ARL17B: variants seen among roughly 807,000 people sequenced by gnomAD.
The protein encoded by ARL17B is ARF like GTPase 17B.
intron 4 of ARL17B, among the ~76,000 whole-genome samples, chr17:46,291,981 A>AC (rs2050083696): frequency 4.0e-5 from 5 of 123,644 alleles, no homozygotes; most frequent in East Asian, 2.3e-4. Flanking sequence ...AAAAAAAAAA[A>AC]AAAAAAGCCA....
At chr17:46,277,787 C>T (rs1417021831) in intron 4 of ARL17B, among the ~76,000 whole-genome samples, 6 of 151,564 alleles carry the variant, frequency 4.0e-5, no homozygotes, top group African/African-American at 1.5e-4. Flanking sequence ...GCTGGGATTA[C>T]AGGTGCCCAC....
intron 4 of ARL17B, among the ~76,000 whole-genome samples, chr17:46,292,130 A>G: frequency 7.3e-6 from 1 of 136,684 alleles, no homozygotes; most frequent in African/African-American, 2.7e-5. Flanking sequence ...TCAGGAGTTC[A>G]AGACCAGCTT....
intron 4 of ARL17B, among the ~76,000 whole-genome samples, chr17:46,284,177 G>A (rs531065657): frequency 5.3e-5 from 8 of 152,340 alleles, no homozygotes; most frequent in Admixed American, 1.3e-4. Context: ...GTGTCAGGCT[G>A]GGGGACGGTC....
chr17:46,340,206 GTTTTT>G (rs1165673930), intron 3 of ARL17B, among the ~76,000 whole-genome samples: 1 of 83,538 alleles, frequency 1.2e-5, no homozygotes, highest in South Asian at 4.8e-4. Flanking sequence ...AGTTTTGTTT[GTTTTT>G]TTTTCTTTTT....
chr17:46,344,314 A>AT (rs2052617829), intron 3 of ARL17B, among the ~76,000 whole-genome samples: 3 of 150,436 alleles, frequency 2.0e-5, no homozygotes, highest in African/African-American at 4.9e-5. Context: ...AAAAAAAAAA[A>AT]ATTTTTAAAG....
chr17:46,286,620 A>G (rs1215984835), intron 4 of ARL17B, among the ~76,000 whole-genome samples: 2 of 152,256 alleles, frequency 1.3e-5, no homozygotes, highest in African/African-American at 2.4e-5. Context: ...GAAGCAAGAT[A>G]AATTTTGAAG....
At chr17:46,278,007 G>A (rs1376810528) in intron 4 of ARL17B, among the ~76,000 whole-genome samples, 1 of 151,970 alleles carries the variant, frequency 6.6e-6, no homozygotes, top group Non-Finnish European at 1.5e-5. Context: ...GTGTAGTGGT[G>A]TGGTCTCCAC....
chr17:46,281,935 C>T (rs1400598373), intron 4 of ARL17B, among the ~76,000 whole-genome samples: 11 of 152,086 alleles, frequency 7.2e-5, no homozygotes, highest in South Asian at 2.1e-4. Context: ...TGAGCCATCA[C>T]GCCTAGCCTA....
intron 4 of ARL17B, among the ~76,000 whole-genome samples, chr17:46,275,764 T>C (rs1412943917): frequency 2.0e-5 from 3 of 152,244 alleles, no homozygotes; most frequent in Non-Finnish European, 4.4e-5. Context: ...TGTATGTGTG[T>C]GTTTATTTAC....
At chr17:46,311,150 A>C in intron 3 of ARL17B, 1 of 358,364 alleles carries the variant, frequency 2.8e-6, no homozygotes, top group African/African-American at 2.6e-5. Context: ...AAAAAAAAAA[A>C]AAAAAAAGGA....
At chr17:46,292,949 T>C (rs113272330) in intron 4 of ARL17B, 1 of 33,740 alleles carries the variant, frequency 3.0e-5, no homozygotes, top group African/African-American at 6.6e-5. Flanking sequence ...TTTTATCTTT[T>C]TTTTTTTTTT....
intron 4 of ARL17B, among the ~76,000 whole-genome samples, chr17:46,289,463 T>A (rs1363086238): frequency 2.6e-5 from 4 of 152,224 alleles, no homozygotes; most frequent in African/African-American, 9.7e-5. Flanking sequence ...GAGCCACTTG[T>A]ACCCAGCCAT....
intron 3 of ARL17B, among the ~76,000 whole-genome samples, chr17:46,351,834 T>C (rs2052756511): frequency 6.6e-6 from 1 of 152,212 alleles, no homozygotes; most frequent in African/African-American, 2.4e-5. Context: ...AATGAGAAAT[T>C]TGTAGATTCC....
chr17:46,292,286 C>T (rs534460022), intron 4 of ARL17B, among the ~76,000 whole-genome samples: 1 of 74,492 alleles, frequency 1.3e-5, no homozygotes, highest in African/African-American at 3.4e-5. Flanking sequence ...GAGCCGAGAT[C>T]ATGCCACTGC....
At chr17:46,279,484 T>A (rs1210480797) in intron 4 of ARL17B, among the ~76,000 whole-genome samples, 1 of 148,982 alleles carries the variant, frequency 6.7e-6, no homozygotes, top group Non-Finnish European at 1.5e-5. Flanking sequence ...GCACCTGGCC[T>A]TTTTTTTCTT....
chr17:46,311,165 G>C, intron 3 of ARL17B: 1 of 371,930 alleles, frequency 2.7e-6, no homozygotes, highest in Non-Finnish European at 5.3e-6. Flanking sequence ...AAAGGAAAAA[G>C]GCTCACCATT....
chr17:46,280,060 G>A (rs1280941774), intron 4 of ARL17B, among the ~76,000 whole-genome samples: 1 of 152,086 alleles, frequency 6.6e-6, no homozygotes, highest in East Asian at 1.9e-4. Flanking sequence ...TGAACCTCTT[G>A]TTTTCTGAAC....
downstream of ARL17B, among the ~76,000 whole-genome samples, chr17:46,332,859 C>T (rs548859237): frequency 1.9e-4 from 28 of 150,094 alleles, no homozygotes; most frequent in Non-Finnish European, 4.0e-4. Context: ...GCTTTCAGAT[C>T]TCTGTGAATT....
chr17:46,357,239 C>T (rs2052937137), intron 2 of ARL17B, among the ~76,000 whole-genome samples: 1 of 95,232 alleles, frequency 1.1e-5, no homozygotes, highest in African/African-American at 4.2e-5. Context: ...CAGAACAGAA[C>T]AGTAGTAATG....
Sources: gnomAD v4.1 joint callset for allele counts (sites outside exome capture counted in the v4.1 genomes callset) on GRCh38, gnomAD v4.1.1 for gene constraint, MANE v1.5 for transcripts, NCBI Gene and HGNC (gene_info 2026-07-23, HGNC 2026-07-21) for gene names.